Variants in PCLO observed in about 807,000 individuals in gnomAD.
The protein encoded by PCLO is piccolo presynaptic cytomatrix protein.
PCLO carries 82 observed loss-of-function variants against 427.5 expected under a neutral mutation model. The observed-to-expected ratio is 0.19, with a 90% CI of 0.16 to 0.23. PCLO has a LOEUF of 0.23. PCLO is among the 10% of genes least tolerant of loss of function. The pLI is 1.00. For missense variants in PCLO, 6,239 were observed against 6,115.9 expected, an observed-to-expected ratio of 1.02 and a Z score of -0.67; for synonymous variants, 2,357 against 2,155.4, an observed-to-expected ratio of 1.09 and a Z score of -2.59.
intron 3 of PCLO, among the ~76,000 whole-genome samples, chr7:83,078,797 A>G (rs1287285938): frequency 1.3e-5 from 2 of 152,216 alleles, no homozygotes; most frequent in Non-Finnish European, 2.9e-5. Context: ...CGGCCTCCCA[A>G]AGTGCTGGGA....
In PCLO at chr7:82,955,795, G is replaced by C. The variant is rs772591035; in HGVS notation, c.5158C>G (p.Leu1720Val). 4.3e-6 allele frequency: 7 copies of C among 1,613,822 alleles called. No individual in the cohort carries two copies. In the East Asian group the frequency reaches 1.6e-4, roughly 36 times the overall value. The stretch of plus-strand genomic sequence containing the variant: ...CCAGGAGTGAAGCTGGAAGCATGCA[G>C]ACTCGAAGATCCCTCTCCCCTTGAC... ...DRSRGEGSSS[L>V]HASSFTPGTS... Residue 1720 changes from leucine to valine, a missense_variant, in exon 5 of 25, where the codon CTG becomes GTG. Leu to Val is a conservative substitution (Grantham distance 32). Coordinates refer to ENST00000333891, the MANE Select transcript of PCLO (RefSeq NM_033026.6).
rs869061778 is a variant in PCLO at position 83,043,912 on chromosome 7, CTTTTTT to C, written c.3301-77431_3301-77426del. ...AACTCAATCTTATTACTATTATTTT[CTTTTTT>C]TTTTTTTTTTTTTTTTTGCATTCTA... On this transcript the variant is annotated intron_variant, in intron 3 of 24. Transcript: ENST00000333891. Among the ~76,000 whole-genome samples, 62 of 94,918 alleles carry C rather than the reference CTTTTTT, an allele frequency of 6.5e-4. 1 individual carries two copies. Among genetic ancestry groups the C allele is most frequent in the Middle Eastern group, 7.1e-3 (1 of 140 alleles). The allele number at this position is 94,918 out of a possible 152,430, so 62.3% of individuals were successfully genotyped here.
chr7:82,938,016 A>G (rs922126476), intron 6 of PCLO, among the ~76,000 whole-genome samples: 2 of 151,882 alleles, frequency 1.3e-5, no homozygotes, highest in African/African-American at 4.8e-5. Flanking sequence ...GTAGATACAT[A>G]TCTAAGGTCT....
intron 3 of PCLO, among the ~76,000 whole-genome samples, chr7:82,976,753 A>G (rs1166523255): frequency 6.6e-6 from 1 of 152,346 alleles, no homozygotes; most frequent in Non-Finnish European, 1.5e-5. Flanking sequence ...AGTCATCAAC[A>G]TAATTTGTGA....
At chr7:83,055,885 A>G (rs1287588467) in intron 3 of PCLO, among the ~76,000 whole-genome samples, 2 of 152,184 alleles carry the variant, frequency 1.3e-5, no homozygotes, top group Non-Finnish European at 2.9e-5. Flanking sequence ...TCTAGTAACC[A>G]GAATGCTTCA....
chr7:83,054,117 T>C (rs1484501583), intron 3 of PCLO, among the ~76,000 whole-genome samples: 1 of 152,006 alleles, frequency 6.6e-6, no homozygotes, highest in East Asian at 1.9e-4. Flanking sequence ...AGAAACATGA[T>C]AGTTTACATG....
chr7:83,101,771 G>A (rs1418821086), intron 3 of PCLO, among the ~76,000 whole-genome samples: 4 of 152,020 alleles, frequency 2.6e-5, no homozygotes, highest in Non-Finnish European at 5.9e-5. Flanking sequence ...ATCCTATCAC[G>A]CACTGCAAAA....
intron 3 of PCLO, among the ~76,000 whole-genome samples, chr7:82,971,592 T>G (rs924021742): frequency 7.5e-5 from 11 of 147,224 alleles, no homozygotes; most frequent in Non-Finnish European, 1.3e-4. Context: ...TAATATATAA[T>G]ATATATGATA....
chr7:83,073,153 C>T (rs1235617898), intron 3 of PCLO, among the ~76,000 whole-genome samples: 1 of 151,908 alleles, frequency 6.6e-6, no homozygotes, highest in African/African-American at 2.4e-5. Context: ...TACAAGAAGG[C>T]AGGAATAATG....
chr7:83,110,748 T>C (rs1401851322), intron 3 of PCLO, among the ~76,000 whole-genome samples: 1 of 152,186 alleles, frequency 6.6e-6, no homozygotes, highest in Non-Finnish European at 1.5e-5. Context: ...GCTGCTTCAA[T>C]ATCAGGGTAA....
intron 22 of PCLO, among the ~76,000 whole-genome samples, chr7:82,800,559 T>A (rs1562791872): frequency 6.6e-6 from 1 of 152,074 alleles, no homozygotes; most frequent in East Asian, 1.9e-4. Flanking sequence ...AGAGAGAGGT[T>A]GGAATGACAC....
At chr7:83,010,587 T>C (rs1788053788) in intron 3 of PCLO, among the ~76,000 whole-genome samples, 1 of 150,074 alleles carries the variant, frequency 6.7e-6, no homozygotes. Context: ...ATAAAATAAT[T>C]ATATTTTAAT....
intron 17 of PCLO, 143 bp from the exon 18 acceptor site, chr7:82,826,803 T>C (rs556678100): frequency 4.1e-4 from 178 of 430,334 alleles, no homozygotes; most frequent in African/African-American, 3.3e-3. Context: ...GAAAACTATG[T>C]AGTTTAAATA....
intron 3 of PCLO, among the ~76,000 whole-genome samples, chr7:83,124,335 A>AAC (rs1791369456): frequency 6.7e-6 from 1 of 149,790 alleles, no homozygotes; most frequent in Admixed American, 6.7e-5. Flanking sequence ...GCCTGGGCGG[A>AAC]AGAGCGAGAC....
intron 16 of PCLO, among the ~76,000 whole-genome samples, chr7:82,833,724 C>T (rs536491966): frequency 1.8e-4 from 23 of 126,206 alleles, no homozygotes; most frequent in East Asian, 7.8e-4. Flanking sequence ...AACCACTGGT[C>T]GCAAAAAAAT....
At chr7:82,846,359 G>C (rs1792501643) in intron 12 of PCLO, among the ~76,000 whole-genome samples, 1 of 152,078 alleles carries the variant, frequency 6.6e-6, no homozygotes, top group South Asian at 2.1e-4. Flanking sequence ...ATGCAAATAT[G>C]TATTTCCCCA....
chr7:83,035,356 G>A (rs1014146113), intron 3 of PCLO, among the ~76,000 whole-genome samples: 1 of 152,110 alleles, frequency 6.6e-6, no homozygotes, highest in African/African-American at 2.4e-5. Flanking sequence ...TTACAACTTT[G>A]TAGGGCTAGA....
rs879145432 is a variant in PCLO at position 83,156,399 on chromosome 7, G to C, written c.249-7C>G. The C allele has an allele frequency of 1.8e-6, 2 of 1,134,022 alleles. No homozygotes were observed. The highest frequency in any genetic ancestry group is 2.3e-6 in the Non-Finnish European group (2 of 864,108). The allele number at this position is 1,134,022 out of a possible 1,614,324, so 70.2% of individuals were successfully genotyped here. On this transcript the variant is annotated splice_region_variant and splice_polypyrimidine_tract_variant and intron_variant, in intron 1 of 24. Coordinates refer to ENST00000333891, the MANE Select transcript of PCLO (RefSeq NM_033026.6). ...ACTATCCAACTCTTGTTTCCTAGAA[G>C]AGTTAAAAAAAAAAAAAAAAATCAA...
At chr7:83,032,717 A>G (rs960340862) in intron 3 of PCLO, among the ~76,000 whole-genome samples, 3 of 152,144 alleles carry the variant, frequency 2.0e-5, no homozygotes, top group Admixed American at 6.6e-5. Context: ...TCACCCAGTC[A>G]TAAAACACTG....
Sources: gnomAD v4.1 joint callset for allele counts (sites outside exome capture counted in the v4.1 genomes callset) on GRCh38, gnomAD v4.1.1 for gene constraint, MANE v1.5 for transcripts, NCBI Gene and HGNC (gene_info 2026-07-23, HGNC 2026-07-21) for gene names.